MIPOL1: variants seen among roughly 807,000 people sequenced by gnomAD.
MIPOL1 encodes the protein mirror-image polydactyly gene 1 protein.
Under a neutral mutation model 60.9 loss-of-function variants are expected in MIPOL1, and 57 were observed. The ratio of observed to expected loss-of-function variants is 0.94; its 90% CI spans 0.76 to 1.17. MIPOL1 has a LOEUF of 1.17. MIPOL1 is among the 50% of genes most tolerant of loss of function. The probability of loss-of-function intolerance (pLI) is 0.00; values close to 1 mark genes in which losing one functional copy is unlikely to be tolerated. For missense variants in MIPOL1, 551 were observed against 511.6 expected, an observed-to-expected ratio of 1.08 and a Z score of -0.74; for synonymous variants, 179 against 168.8, an observed-to-expected ratio of 1.06 and a Z score of -0.47.
intron 11 of MIPOL1, among the ~76,000 whole-genome samples, chr14:37,435,939 A>AT (rs2094156948): frequency 6.6e-6 from 1 of 152,110 alleles, no homozygotes; most frequent in Admixed American, 6.6e-5. Flanking sequence ...AATGTGGTTA[A>AT]TTTTTTTAAA....
At chr14:37,231,601 C>T (rs1356470875) in intron 1 of MIPOL1, among the ~76,000 whole-genome samples, 1 of 152,050 alleles carries the variant, frequency 6.6e-6, no homozygotes. Flanking sequence ...TGTGTTTGTT[C>T]TCAAACCTGT....
At chr14:37,213,461 T>C (rs1375015185) in intron 1 of MIPOL1, among the ~76,000 whole-genome samples, 1 of 152,088 alleles carries the variant, frequency 6.6e-6, no homozygotes, top group Non-Finnish European at 1.5e-5. Flanking sequence ...ATAGCAGAAG[T>C]TGTCAAGTAG....
intron 9 of MIPOL1, among the ~76,000 whole-genome samples, chr14:37,361,646 C>T (rs867543787): frequency 2.2e-4 from 24 of 109,576 alleles, no homozygotes; most frequent in Admixed American, 3.9e-4. Flanking sequence ...TTGCCTCTCT[C>T]GCAGTCTGAA....
At chr14:37,393,433 G>C (rs2093298834) in intron 10 of MIPOL1, among the ~76,000 whole-genome samples, 1 of 142,776 alleles carries the variant, frequency 7.0e-6, no homozygotes. Flanking sequence ...TGTGGCGGGG[G>C]TGGGGGTGGG....
chr14:37,485,178 G>GT (rs1302574530), intron 11 of MIPOL1, among the ~76,000 whole-genome samples: 1 of 150,938 alleles, frequency 6.6e-6, no homozygotes, highest in Non-Finnish European at 1.5e-5. Flanking sequence ...TGAACTCATC[G>GT]TTTTTTATAT....
chr14:37,399,443 C>T (rs927515201), intron 10 of MIPOL1, among the ~76,000 whole-genome samples: 3 of 152,040 alleles, frequency 2.0e-5, no homozygotes, highest in South Asian at 2.1e-4. Context: ...GCCAGTGATG[C>T]GTTCTTCCAT....
intron 10 of MIPOL1, among the ~76,000 whole-genome samples, chr14:37,417,859 A>C (rs538106377): frequency 4.6e-5 from 7 of 152,306 alleles, no homozygotes; most frequent in African/African-American, 1.4e-4. Context: ...TGGTAAAATA[A>C]GCAATGTTTT....
At chr14:37,483,677 C>T (rs1462700939) in intron 11 of MIPOL1, among the ~76,000 whole-genome samples, 2 of 151,844 alleles carry the variant, frequency 1.3e-5, no homozygotes, top group African/African-American at 4.8e-5. Flanking sequence ...GCTCTGTGGC[C>T]CAAGCTGGAG....
At chr14:37,230,685 A>C (rs1355428677) in intron 1 of MIPOL1, among the ~76,000 whole-genome samples, 1 of 152,178 alleles carries the variant, frequency 6.6e-6, no homozygotes, top group African/African-American at 2.4e-5. Context: ...ATAGATGAAA[A>C]GCTGGGTTTT....
At chr14:37,317,544 C>T (rs2153442654) in intron 9 of MIPOL1, among the ~76,000 whole-genome samples, 1 of 152,084 alleles carries the variant, frequency 6.6e-6, no homozygotes, top group African/African-American at 2.4e-5. Flanking sequence ...CCAGACTCTC[C>T]CTCACTGTGG....
chr14:37,378,806 C>T (rs1301250249), intron 10 of MIPOL1, among the ~76,000 whole-genome samples: 6 of 151,760 alleles, frequency 4.0e-5, no homozygotes, highest in South Asian at 2.1e-4. Context: ...GAAAAGTAGA[C>T]GGATGTATTG....
chr14:37,415,561 G>A lies in MIPOL1; in HGVS notation c.937-7294G>A, dbSNP rs185594992. On this transcript the variant is annotated intron_variant, in intron 10 of 12. Coordinates refer to ENST00000684589, the MANE Select transcript of MIPOL1 (RefSeq NM_001388067.1). ...GGAGAATGGCGTGAACCTGGGAGGC[G>A]GAGCTTGCAGTGAGCCGAGATTGCG... is the stretch of plus-strand genomic sequence containing the variant. Among the ~76,000 whole-genome samples the A allele has an allele frequency of 9.4e-3, 1,412 of 149,956 alleles. 11 individuals are homozygous for A. The highest frequency in any genetic ancestry group is 0.014 in the Non-Finnish European group (941 of 67,766).
intron 9 of MIPOL1, among the ~76,000 whole-genome samples, chr14:37,320,334 A>G (rs2088434493): frequency 6.6e-6 from 1 of 152,054 alleles, no homozygotes; most frequent in African/African-American, 2.4e-5. Context: ...TTTAATATCA[A>G]TCATTCTGAT....
intron 12 of MIPOL1, chr14:37,506,868 C>T (rs906906001): frequency 2.0e-5 from 3 of 152,036 alleles, no homozygotes; most frequent in African/African-American, 7.2e-5. Flanking sequence ...GGCTAATATC[C>T]AGAATGTACA....
intron 9 of MIPOL1, among the ~76,000 whole-genome samples, chr14:37,363,549 C>T (rs1420768911): frequency 6.6e-6 from 1 of 152,128 alleles, no homozygotes; most frequent in South Asian, 2.1e-4. Flanking sequence ...TCTGTCGGCC[C>T]CAGTGGGAGG....
intron 9 of MIPOL1, among the ~76,000 whole-genome samples, chr14:37,335,912 A>G (rs1157555626): frequency 1.3e-5 from 2 of 152,056 alleles, no homozygotes; most frequent in Non-Finnish European, 2.9e-5. Context: ...ATTTTGATAT[A>G]GTCCAATTTT....
At chr14:37,507,082 G>T (rs543526418) in intron 12 of MIPOL1, 1 of 152,022 alleles carries the variant, frequency 6.6e-6, no homozygotes, top group Non-Finnish European at 1.5e-5. Flanking sequence ...TTAGAATGGC[G>T]ATCATTAAAA....
At chr14:37,409,176 G>A (rs1276179667) in intron 10 of MIPOL1, among the ~76,000 whole-genome samples, 2 of 152,022 alleles carry the variant, frequency 1.3e-5, no homozygotes, top group African/African-American at 4.8e-5. Context: ...TTATTATCAG[G>A]AAAATATGAT....
intron 12 of MIPOL1, among the ~76,000 whole-genome samples, chr14:37,532,854 G>T (rs2095487965): frequency 6.6e-6 from 1 of 151,944 alleles, no homozygotes. Flanking sequence ...ATATTAATAT[G>T]TTTTTTCTTG....
Sources: allele counts gnomAD v4.1 joint callset (sites outside exome capture counted in the v4.1 genomes callset), GRCh38; gene constraint gnomAD v4.1.1; transcripts MANE v1.5; gene names NCBI Gene and HGNC (gene_info 2026-07-23, HGNC 2026-07-21).